MTREX: variants seen among roughly 807,000 people sequenced by gnomAD.
MTREX encodes Mtr4 exosome RNA helicase, also known as exosome RNA helicase MTR4.
In MTREX, 76 loss-of-function variants were observed where a neutral mutation model predicts 135.4. That is an observed-to-expected ratio of 0.56 (90% CI 0.47 to 0.68). The LOEUF (loss-of-function observed/expected upper bound fraction) is 0.68. MTREX is among the 30% of genes least tolerant of loss of function. MTREX has a pLI of 0.00. For synonymous variants in MTREX, 404 were observed against 401.6 expected (o/e 1.01, Z -0.07); for missense variants, 920 against 1,262.1 (o/e 0.73, Z 4.11).
At chr5:55,323,534 T>G (rs1413977538) in intron 2 of MTREX, among the ~76,000 whole-genome samples, 1 of 152,110 alleles carries the variant, frequency 6.6e-6, no homozygotes, top group Non-Finnish European at 1.5e-5. Flanking sequence ...GTGATTCTCC[T>G]GCCTCAATGT....
intron 18 of MTREX, among the ~76,000 whole-genome samples, chr5:55,380,569 AT>A (rs1318804842): frequency 6.6e-6 from 1 of 152,134 alleles, no homozygotes; most frequent in African/African-American, 2.4e-5. Flanking sequence ...TTCTGATATG[AT>A]ATATTACATT....
At chr5:55,340,254 T>C in intron 6 of MTREX, 70 bp downstream of exon 6, 3 of 1,275,398 alleles carry the variant, frequency 2.4e-6, no homozygotes, top group Non-Finnish European at 3.1e-6. Flanking sequence ...AGTTAGAACC[T>C]GGGAAGTTTT....
intron 1 of MTREX, among the ~76,000 whole-genome samples, chr5:55,314,059 C>T (rs563352362): frequency 3.6e-4 from 54 of 151,910 alleles, no homozygotes; most frequent in African/African-American, 1.2e-3. Context: ...GTACTATTTT[C>T]AGTCTTTTGC....
At chr5:55,391,128 C>A (rs759100807) in intron 19 of MTREX, among the ~76,000 whole-genome samples, 2 of 151,902 alleles carry the variant, frequency 1.3e-5, no homozygotes, top group Non-Finnish European at 2.9e-5. Flanking sequence ...TTAGAGTGCA[C>A]CTAGCTTAGA....
intron 11 of MTREX, among the ~76,000 whole-genome samples, chr5:55,348,950 A>C (rs1579862552): frequency 6.6e-6 from 1 of 152,348 alleles, no homozygotes; most frequent in East Asian, 1.9e-4. Context: ...ACTTAGTAGT[A>C]AAATGTAGAT....
At position 55,340,044 on chromosome 5, in the gene MTREX, C is replaced by A; in HGVS notation, c.550C>A (p.Arg184Ser). The change falls in exon 6 of 27, where the codon CGT (arginine) becomes AGT (serine). Residue 184 changes from arginine (R) to serine (S), a missense_variant. By Grantham distance (110) the Arg-to-Ser change is moderately radical. This residue lies in a region of MTREX where 82 missense variants were observed against 107.4 expected (regional missense o/e 0.76). Coordinates refer to ENST00000230640, the MANE Select transcript of MTREX (RefSeq NM_015360.5). ...TGCATTGGCCTTAAGGGAAAAGCAG[C>A]GTGTAATATTTACCAGCCCAATTAA... is the stretch of plus-strand genomic sequence containing the variant. The part of the protein sequence containing the change: ...AIALALREKQ[R>S]VIFTSPIKAL... 1 of 1,571,930 alleles carries A rather than the reference C, an allele frequency of 6.4e-7. No homozygotes were observed. Among genetic ancestry groups the A allele is most frequent in the South Asian group, 1.2e-5 (1 of 83,432 alleles).
In MTREX at chr5:55,340,282, GGTAAA is replaced by G. The variant is rs1351742332; in HGVS notation, c.690+102_690+106del. 23 of 885,120 alleles carry G rather than the reference GGTAAA, an allele frequency of 2.6e-5. No individual in the cohort carries two copies. The African/African-American group carries it at 3.3e-4, about 13-fold the overall frequency. The allele number at this position is 885,120 out of a possible 1,614,324, so 54.8% of individuals were successfully genotyped here. A position where few individuals can be genotyped will look rare whatever the true frequency, so the allele number is the denominator to read the frequency against. On this transcript the variant is annotated intron_variant, in intron 6 of 26. Transcript: ENST00000230640. Reference sequence around the variant, plus strand: ...GAAGTTTTATTGGTTGCTCTACTTAGGTAAAGTATAGTACTTTATTTTCTGATTAG... The same window carrying G: ...GAAGTTTTATTGGTTGCTCTACTTAGGTATAGTACTTTATTTTCTGATTAG...
At chr5:55,329,843 G>A (rs1749441607) in intron 5 of MTREX, among the ~76,000 whole-genome samples, 1 of 150,694 alleles carries the variant, frequency 6.6e-6, no homozygotes, top group African/African-American at 2.4e-5. Flanking sequence ...ATGTACCTTG[G>A]TGTTGTTTTT....
chr5:55,378,916 G>A (rs1750349293), intron 17 of MTREX, among the ~76,000 whole-genome samples: 1 of 152,068 alleles, frequency 6.6e-6, no homozygotes, highest in Admixed American at 6.5e-5. Flanking sequence ...TGTTATTGCT[G>A]TCCTAGGGGC....
At chr5:55,393,081 C>T (rs1579890041) in intron 19 of MTREX, among the ~76,000 whole-genome samples, 1 of 152,148 alleles carries the variant, frequency 6.6e-6, no homozygotes, top group Non-Finnish European at 1.5e-5. Context: ...CCAGTGGCTG[C>T]CATACTGGTT....
chr5:55,324,822 G>C (rs990080168), intron 3 of MTREX: 1 of 152,110 alleles, frequency 6.6e-6, no homozygotes, highest in Non-Finnish European at 1.5e-5. Flanking sequence ...TTGCAATAAA[G>C]GGATCTACCT....
chr5:55,422,347 CAAG>C (rs771809412), intron 25 of MTREX, among the ~76,000 whole-genome samples: 18 of 152,278 alleles, frequency 1.2e-4, no homozygotes, highest in Non-Finnish European at 2.5e-4. Flanking sequence ...AATCTAAGGT[CAAG>C]AAGAATGAAT....
intron 18 of MTREX, among the ~76,000 whole-genome samples, chr5:55,379,930 G>A (rs908931956): frequency 6.6e-6 from 1 of 151,978 alleles, no homozygotes; most frequent in Admixed American, 6.6e-5. Context: ...TACATTTTTT[G>A]TTTATTTTTT....
chr5:55,346,864 T>C (rs1050409973), intron 10 of MTREX, 149 bp from the exon 11 acceptor site: 13 of 562,728 alleles, frequency 2.3e-5, no homozygotes, highest in Non-Finnish European at 3.5e-5. Flanking sequence ...TATGCTTTTG[T>C]TGTCATATCT....
At chr5:55,387,651 G>T (rs1750499785) in intron 18 of MTREX, among the ~76,000 whole-genome samples, 1 of 152,076 alleles carries the variant, frequency 6.6e-6, no homozygotes, top group South Asian at 2.1e-4. Context: ...TTATGTTAGA[G>T]TGATTTGAAG....
intron 19 of MTREX, among the ~76,000 whole-genome samples, chr5:55,390,425 T>G (rs1263374652): frequency 6.6e-6 from 1 of 151,540 alleles, no homozygotes; most frequent in Non-Finnish European, 1.5e-5. Context: ...CTGAAGTGAC[T>G]TTTCCTTGTA....
chr5:55,321,757 C>T (rs577396481), intron 1 of MTREX, among the ~76,000 whole-genome samples: 7 of 152,084 alleles, frequency 4.6e-5, no homozygotes, highest in Admixed American at 6.5e-5. Flanking sequence ...TACAGGCATG[C>T]GCCATCATAC....
intron 22 of MTREX, among the ~76,000 whole-genome samples, chr5:55,408,207 T>A (rs1377670863): frequency 1.3e-5 from 2 of 152,214 alleles, no homozygotes; most frequent in Non-Finnish European, 2.9e-5. Context: ...TTGCTTCATA[T>A]GACCTTTCAC....
chr5:55,337,728 A>G (rs1007670254), intron 5 of MTREX, among the ~76,000 whole-genome samples: 4 of 150,686 alleles, frequency 2.7e-5, no homozygotes, highest in African/African-American at 9.8e-5. Flanking sequence ...AATGATTGAT[A>G]TGGTTGGATT....
Sources: gnomAD v4.1 joint callset for allele counts (sites outside exome capture counted in the v4.1 genomes callset) on GRCh38, gnomAD v4.1.1 for gene constraint, gnomAD v4.1.1 regional missense constraint, MANE v1.5 for transcripts, NCBI Gene and HGNC (gene_info 2026-07-23, HGNC 2026-07-21) for gene names.